ARHGAP28: variants seen among roughly 807,000 people sequenced by gnomAD.
The protein encoded by ARHGAP28 is Rho GTPase activating protein 28, also known as rho GTPase-activating protein 28.
Under a neutral mutation model 90.7 loss-of-function variants are expected in ARHGAP28, and 56 were observed. The observed-to-expected ratio is 0.62, with a 90% CI of 0.50 to 0.77. ARHGAP28 has a LOEUF of 0.77. Ranked by LOEUF, ARHGAP28 falls within the 30% of genes least tolerant of loss-of-function variation. The pLI is 0.00. For synonymous variants in ARHGAP28, 308 were observed against 323.3 expected (o/e 0.95, Z 0.51); for missense variants, 869 against 900.9 (o/e 0.96, Z 0.45).
At chr18:6,780,587 G>GA (rs924725448) in intron 1 of ARHGAP28, among the ~76,000 whole-genome samples, 10 of 151,830 alleles carry the variant, frequency 6.6e-5, no homozygotes, top group South Asian at 2.1e-4. Flanking sequence ...TGGAGGCTGA[G>GA]AAAAAAAATC....
intron 1 of ARHGAP28, among the ~76,000 whole-genome samples, chr18:6,771,544 G>A (rs968007207): frequency 2.4e-4 from 36 of 152,164 alleles, no homozygotes; most frequent in African/African-American, 8.7e-4. Context: ...TTGAGATTCA[G>A]GATCTTTCAT....
intron 6 of ARHGAP28, 95 bp downstream of exon 6, chr18:6,868,329 A>G (rs1231870286): frequency 1.8e-5 from 20 of 1,090,052 alleles, no homozygotes; most frequent in East Asian, 2.5e-5. Flanking sequence ...AAAGCGAAGT[A>G]TAAGTGTGCT....
chr18:6,882,208 A>C lies in ARHGAP28; in HGVS notation c.1362A>C (p.Glu454Asp), dbSNP rs1461508505. Residue 454 changes from glutamate (E) to aspartate (D), a missense_variant, in exon 11 of 18, where the codon GAA becomes GAC. Physicochemically the swap from Glu to Asp is conservative, Grantham distance 45 (BLOSUM62 2). Transcript: ENST00000383472. ...AATGGGACAAAATGTGCCATAGAGA[A>C]GCTGCAGTAATGTTGAAAGCGTTTT... ...KFKWDKMCHR[E>D]AAVMLKAFFR... 1 of 1,614,044 alleles carries C rather than the reference A, an allele frequency of 6.2e-7. No homozygotes were observed. Among genetic ancestry groups the C allele is most frequent in the Non-Finnish European group, 8.5e-7 (1 of 1,179,930 alleles).
chr18:6,822,826 G>C (rs1054075182), intron 1 of ARHGAP28, among the ~76,000 whole-genome samples: 1 of 152,154 alleles, frequency 6.6e-6, no homozygotes, highest in African/African-American at 2.4e-5. Flanking sequence ...AGGATTCCTA[G>C]ATGTGTACAG....
intron 1 of ARHGAP28, among the ~76,000 whole-genome samples, chr18:6,815,909 T>G (rs933702886): frequency 1.4e-4 from 21 of 152,052 alleles, no homozygotes; most frequent in Non-Finnish European, 2.9e-4. Flanking sequence ...GTCATTGTTT[T>G]TTTTTTTTTA....
chr18:6,729,764 G>T lies in ARHGAP28; in HGVS notation c.-58G>T. The T allele has an allele frequency of 7.6e-7, 1 of 1,316,006 alleles. No individual in the cohort carries two copies. Among genetic ancestry groups the T allele is most frequent in the East Asian group, 3.2e-5 (1 of 31,614 alleles). 81.5% of individuals were successfully genotyped at this position (1,316,006 alleles called of 1,614,324 possible). ...CTGCTGACAGCCTCCCGGCGCGCCG[G>T]TCCATGCTGGTCCCGGTCTTTGTTC... On this transcript the variant is annotated 5_prime_UTR_variant, in exon 1 of 18. Coordinates refer to ENST00000383472, the MANE Select transcript of ARHGAP28 (RefSeq NM_001366230.1).
intron 1 of ARHGAP28, among the ~76,000 whole-genome samples, chr18:6,742,165 TTTTC>T (rs1167124669): frequency 7.3e-6 from 1 of 137,078 alleles, no homozygotes; most frequent in African/African-American, 2.5e-5. Flanking sequence ...TCTTTTTTCT[TTTTC>T]TTTTTTTTTT....
intron 4 of ARHGAP28, among the ~76,000 whole-genome samples, chr18:6,855,075 T>A (rs1024610789): frequency 6.6e-6 from 1 of 152,100 alleles, no homozygotes; most frequent in Non-Finnish European, 1.5e-5. Context: ...GGCCTGCAGG[T>A]GCCCCTCAGC....
chr18:6,886,150 G>T (rs572475526), intron 11 of ARHGAP28, among the ~76,000 whole-genome samples: 1 of 152,238 alleles, frequency 6.6e-6, no homozygotes, highest in Non-Finnish European at 1.5e-5. Context: ...TGTCACAAGT[G>T]TTTCCACTGC....
intron 5 of ARHGAP28, among the ~76,000 whole-genome samples, chr18:6,865,337 A>G (rs1356925321): frequency 1.3e-5 from 2 of 152,208 alleles, no homozygotes; most frequent in African/African-American, 4.8e-5. Context: ...TGTTGAATAG[A>G]TTTTGCAAGT....
chr18:6,780,848 C>T (rs370126200), intron 1 of ARHGAP28, among the ~76,000 whole-genome samples: 50 of 150,674 alleles, frequency 3.3e-4, no homozygotes, highest in African/African-American at 1.1e-3. Flanking sequence ...GCCGAGATCA[C>T]GCCATTTGCA....
intron 4 of ARHGAP28, among the ~76,000 whole-genome samples, chr18:6,857,781 C>T (rs377537929): frequency 1.3e-4 from 20 of 152,290 alleles, no homozygotes; most frequent in East Asian, 9.6e-4. Flanking sequence ...TACAGCTCAC[C>T]GGGCCTCTAA....
intron 1 of ARHGAP28, 85 bp downstream of exon 1, chr18:6,730,028 C>T (rs1039457015): frequency 2.4e-6 from 3 of 1,230,198 alleles, no homozygotes; most frequent in South Asian, 2.6e-5. Flanking sequence ...TGCCTGAGCG[C>T]ACGACCGCCG....
chr18:6,841,197 CTCTCTCCTCTCCTCT>C lies in ARHGAP28; in HGVS notation c.543+3784_543+3798del, dbSNP rs1239348055. ...CTCTCTCTCCTCTCTCTCTCTCTCT[CTCTCTCCTCTCCTCT>C]CTCTCTCTCTCCCCCCAACCCGCCC... On this transcript the variant is annotated intron_variant, in intron 3 of 17. Transcript: ENST00000383472. Among the ~76,000 whole-genome samples, 46 of 65,618 alleles carry C rather than the reference CTCTCTCCTCTCCTCT, an allele frequency of 7.0e-4. No individual in the cohort carries two copies. The East Asian group carries it at 0.016, about 23-fold the overall frequency. 43.0% of individuals were successfully genotyped at this position (65,618 alleles called of 152,430 possible).
At chr18:6,857,908 A>G (rs1488524175) in intron 4 of ARHGAP28, among the ~76,000 whole-genome samples, 2 of 152,118 alleles carry the variant, frequency 1.3e-5, no homozygotes, top group Non-Finnish European at 2.9e-5. Context: ...AAAATTGTTG[A>G]TTGTGTGTTT....
intron 16 of ARHGAP28, among the ~76,000 whole-genome samples, chr18:6,907,032 A>T (rs555670960): frequency 3.3e-5 from 5 of 152,352 alleles, no homozygotes; most frequent in African/African-American, 9.6e-5. Flanking sequence ...AGATAAACAA[A>T]TGGCAAATAT....
intron 9 of ARHGAP28, 54 bp downstream of exon 9, chr18:6,873,829 G>T: frequency 6.8e-7 from 1 of 1,466,630 alleles, no homozygotes. Context: ...CTTATGATTT[G>T]GCACTTTGTA....
chr18:6,871,109 T>G (rs1337672450), intron 7 of ARHGAP28, among the ~76,000 whole-genome samples: 1 of 152,196 alleles, frequency 6.6e-6, no homozygotes, highest in Non-Finnish European at 1.5e-5. Flanking sequence ...CAAGATTTCT[T>G]TTTTTAAATA....
chr18:6,847,371 C>T (rs2056873954), intron 3 of ARHGAP28, among the ~76,000 whole-genome samples: 1 of 152,008 alleles, frequency 6.6e-6, no homozygotes, highest in Non-Finnish European at 1.5e-5. Flanking sequence ...TGCCTTCTTC[C>T]AAACTAGAGG....
Sources: allele counts gnomAD v4.1 joint callset (sites outside exome capture counted in the v4.1 genomes callset), GRCh38; gene constraint gnomAD v4.1.1; transcripts MANE v1.5; gene names NCBI Gene and HGNC (gene_info 2026-07-23, HGNC 2026-07-21).